The following FBXL7 variants were observed in gnomAD, a reference collection of about 807,000 sequenced individuals.
FBXL7 encodes F-box/LRR-repeat protein 7.
A neutral mutation model predicts 38.3 loss-of-function variants in FBXL7; 12 were observed. The ratio of observed to expected loss-of-function variants is 0.31; its 90% confidence interval spans 0.20 to 0.51. The LOEUF (loss-of-function observed/expected upper bound fraction) is 0.51. Ranked by LOEUF, FBXL7 falls within the 20% of genes least tolerant of loss-of-function variation. FBXL7 has a pLI of 0.98. For missense variants in FBXL7, 567 were observed against 676.4 expected (o/e 0.84, Z 1.79); for synonymous variants, 297 against 300.9 (o/e 0.99, Z 0.13).
chr5:15,620,597 G>A (rs1303926178), intron 2 of FBXL7, among the ~76,000 whole-genome samples: 1 of 152,014 alleles, frequency 6.6e-6, no homozygotes, highest in African/African-American at 2.4e-5. Flanking sequence ...GGGAGAGATC[G>A]GGCCAGCAGA....
Position 15,511,626 on chromosome 5 carries a change from A to C in FBXL7, c.37+10913A>C, listed in dbSNP as rs144026540. ...AGTCCCTGGCCCAGGCTTCTCCATG[A>C]TTATTTTTGTGAAATTGCTTTGTAA... is the stretch of plus-strand genomic sequence containing the variant. On this transcript the variant is annotated intron_variant, in intron 1 of 3. Transcript: ENST00000504595. Among the ~76,000 whole-genome samples, 761 of 152,290 alleles carry C rather than the reference A, an allele frequency of 5.0e-3. 5 individuals carry two copies. The highest frequency in any genetic ancestry group is 0.027 in the Middle Eastern group (8 of 294).
At chr5:15,735,464 G>A (rs1735726136) in intron 2 of FBXL7, among the ~76,000 whole-genome samples, 2 of 152,144 alleles carry the variant, frequency 1.3e-5, no homozygotes, top group South Asian at 4.1e-4. Context: ...GCTAAGCTTA[G>A]TCATTGGAAG....
intron 2 of FBXL7, among the ~76,000 whole-genome samples, chr5:15,800,355 G>A (rs1200494616): frequency 2.6e-5 from 4 of 152,190 alleles, no homozygotes; most frequent in Non-Finnish European, 4.4e-5. Flanking sequence ...GCACAGCACT[G>A]CTGAAAGCAA....
At chr5:15,567,680 T>G (rs1738629957) in intron 1 of FBXL7, among the ~76,000 whole-genome samples, 1 of 152,128 alleles carries the variant, frequency 6.6e-6, no homozygotes, top group African/African-American at 2.4e-5. Flanking sequence ...TGTGCCATGT[T>G]GGTGTGCTGC....
chr5:15,895,342 A>G lies in FBXL7; in HGVS notation c.128-32548A>G, dbSNP rs185177244. ...ATTGGCATTCTATAAAGCTATTTAA[A>G]CTTTTTTTAATCTAGTTAATTTTGA... On this transcript the variant is annotated intron_variant, in intron 2 of 3. Transcript: ENST00000504595. Among the ~76,000 whole-genome samples the G allele has an allele frequency of 6.6e-5, 10 of 152,242 alleles. No individual in the cohort carries two copies. The East Asian group carries it at 1.9e-3, about 29-fold the overall frequency.
chr5:15,818,733 TGTGTGTGTGTGA>T (rs1219898740), intron 2 of FBXL7, among the ~76,000 whole-genome samples: 24 of 90,548 alleles, frequency 2.7e-4, no homozygotes, highest in African/African-American at 7.8e-4. Flanking sequence ...TGTGTGTGTG[TGTGTGTGTGTGA>T]GAGAGAGAGA....
chr5:15,767,133 G>A (rs1736612644), intron 2 of FBXL7, among the ~76,000 whole-genome samples: 1 of 152,130 alleles, frequency 6.6e-6, no homozygotes, highest in African/African-American at 2.4e-5. Flanking sequence ...GCAGCCATTA[G>A]CTATTCTTCC....
At chr5:15,707,777 A>G (rs1444764659) in intron 2 of FBXL7, among the ~76,000 whole-genome samples, 2 of 152,154 alleles carry the variant, frequency 1.3e-5, no homozygotes, top group Admixed American at 6.5e-5. Flanking sequence ...GTATGCCCCA[A>G]ATCACTTCAA....
At chr5:15,728,282 G>A (rs963647593) in intron 2 of FBXL7, among the ~76,000 whole-genome samples, 12 of 151,876 alleles carry the variant, frequency 7.9e-5, no homozygotes, top group Admixed American at 3.3e-4. Flanking sequence ...TTATTTGTGT[G>A]CCTTATTATT....
At chr5:15,836,106 G>A (rs142466098) in intron 2 of FBXL7, among the ~76,000 whole-genome samples, 5 of 152,322 alleles carry the variant, frequency 3.3e-5, no homozygotes, top group African/African-American at 1.2e-4. Context: ...GAGGATGTCA[G>A]GGTAAACAAA....
At chr5:15,831,793 G>A (rs1738462431) in intron 2 of FBXL7, among the ~76,000 whole-genome samples, 1 of 152,098 alleles carries the variant, frequency 6.6e-6, no homozygotes, top group African/African-American at 2.4e-5. Flanking sequence ...AAGGGGACAT[G>A]GACAGCATCT....
chr5:15,919,431 T>C (rs953704817), intron 2 of FBXL7, among the ~76,000 whole-genome samples: 24 of 67,980 alleles, frequency 3.5e-4, no homozygotes, highest in African/African-American at 1.1e-3. Flanking sequence ...GTTTTTAGGA[T>C]TTTTTTTCCC....
intron 2 of FBXL7, among the ~76,000 whole-genome samples, chr5:15,669,548 C>T (rs1311498895): frequency 6.6e-6 from 1 of 152,166 alleles, no homozygotes; most frequent in African/African-American, 2.4e-5. Flanking sequence ...TCTCTTAGAA[C>T]TACACTCCTC....
chr5:15,501,296 G>A (rs2126338761), intron 1 of FBXL7: 1 of 434,100 alleles, frequency 2.3e-6, no homozygotes, highest in South Asian at 9.8e-5. Flanking sequence ...TCTGTTACGT[G>A]GGGCTGGAAA....
At chr5:15,868,978 T>A (rs1272933944) in intron 2 of FBXL7, among the ~76,000 whole-genome samples, 1 of 152,140 alleles carries the variant, frequency 6.6e-6, no homozygotes, top group Non-Finnish European at 1.5e-5. Context: ...TCTCTCACTG[T>A]CTTTGTGGGC....
At chr5:15,650,603 G>T (rs937258685) in intron 2 of FBXL7, among the ~76,000 whole-genome samples, 12 of 152,298 alleles carry the variant, frequency 7.9e-5, no homozygotes, top group African/African-American at 2.9e-4. Context: ...ATCCACAGTA[G>T]AACTTCTTTC....
chr5:15,847,358 A>C (rs551773469), intron 2 of FBXL7, among the ~76,000 whole-genome samples: 36 of 152,258 alleles, frequency 2.4e-4, no homozygotes, highest in African/African-American at 7.5e-4. Context: ...AAACCATCAG[A>C]TCTCATGAGA....
chr5:15,644,563 C>T (rs2126561282), intron 2 of FBXL7, among the ~76,000 whole-genome samples: 1 of 152,180 alleles, frequency 6.6e-6, no homozygotes, highest in East Asian at 1.9e-4. Context: ...AGAAGGGGTA[C>T]TTATTCATCA....
intron 1 of FBXL7, among the ~76,000 whole-genome samples, chr5:15,511,525 G>T (rs1736797012): frequency 6.6e-6 from 1 of 152,202 alleles, no homozygotes; most frequent in Admixed American, 6.5e-5. Flanking sequence ...TGGTTTCAAA[G>T]CTACAAATTT....
Sources: allele counts gnomAD v4.1 joint callset (sites outside exome capture counted in the v4.1 genomes callset), GRCh38; gene constraint gnomAD v4.1.1; transcripts MANE v1.5; gene names NCBI Gene and HGNC (gene_info 2026-07-23, HGNC 2026-07-21).